The following EEA1 variants were observed in gnomAD, a reference collection of about 807,000 sequenced individuals.
EEA1 encodes early endosome antigen 1, 162kD.
Under a neutral mutation model 209.2 loss-of-function variants are expected in EEA1, and 111 were observed. The ratio of observed to expected loss-of-function variants is 0.53; its 90% CI spans 0.45 to 0.62. EEA1 has a LOEUF of 0.62. Ranked by LOEUF, EEA1 falls within the 20% of genes least tolerant of loss-of-function variation. EEA1 has a pLI of 0.00. For missense variants in EEA1, 1,343 were observed against 1,530.8 expected (o/e 0.88, Z 2.05); for synonymous variants, 536 against 540.6 (o/e 0.99, Z 0.12).
chr12:92,830,098 A>AACATT (rs1876556390), intron 11 of EEA1, among the ~76,000 whole-genome samples: 1 of 152,052 alleles, frequency 6.6e-6, no homozygotes, highest in African/African-American at 2.4e-5. Flanking sequence ...TCCAGACTTC[A>AACATT]ACATTACACA....
At chr12:92,887,739 G>A (rs1237177115) in intron 2 of EEA1, among the ~76,000 whole-genome samples, 1 of 152,088 alleles carries the variant, frequency 6.6e-6, no homozygotes, top group Non-Finnish European at 1.5e-5. Flanking sequence ...AGAATAGTTT[G>A]ACTTAAAATT....
chr12:92,906,984 T>G (rs1880409893), intron 1 of EEA1, among the ~76,000 whole-genome samples: 1 of 152,198 alleles, frequency 6.6e-6, no homozygotes, highest in African/African-American at 2.4e-5. Context: ...TATGCAAGCC[T>G]TATACTAAAT....
chr12:92,799,345 T>G (rs1399918174), intron 20 of EEA1, among the ~76,000 whole-genome samples: 1 of 152,218 alleles, frequency 6.6e-6, no homozygotes, highest in African/African-American at 2.4e-5. Flanking sequence ...TGGATTAATC[T>G]TTATTATTTT....
intron 15 of EEA1, among the ~76,000 whole-genome samples, chr12:92,815,576 C>G (rs961153068): frequency 6.6e-6 from 1 of 152,058 alleles, no homozygotes; most frequent in African/African-American, 2.4e-5. Flanking sequence ...CTATAAATTT[C>G]TATTCTATAT....
Position 92,853,023 on chromosome 12 carries a change from G to C in EEA1, c.409C>G (p.Leu137Val). Residue 137 changes from leucine to valine, a missense_variant and splice_region_variant, in exon 7 of 29, where the codon CTA becomes GTA. By Grantham distance (32) the Leu-to-Val change is conservative. Around this residue, in one of 3 missense-constraint regions of EEA1, gnomAD observed 1,307 missense variants for 1,465.5 expected, o/e 0.89. Transcript: ENST00000322349. Reference protein sequence around the residue: ...DGLVTDSSAELQSLEQQLEEA... With the variant: ...DGLVTDSSAEVQSLEQQLEEA... ...TCTAATTGCTGTTCCAAAGACTGTA[G>C]TTCTACAAAAAAGTGTCGCAGTTAT... 3 of 1,583,988 alleles carry C rather than the reference G, an allele frequency of 1.9e-6. No homozygotes were observed. The highest frequency in any genetic ancestry group is 2.6e-6 in the Non-Finnish European group (3 of 1,161,544).
At chr12:92,897,499 A>G (rs1174298318) in intron 1 of EEA1, among the ~76,000 whole-genome samples, 1 of 152,114 alleles carries the variant, frequency 6.6e-6, no homozygotes, top group African/African-American at 2.4e-5. Flanking sequence ...GGGTATTTGG[A>G]CCCAAGAAGA....
intron 1 of EEA1, among the ~76,000 whole-genome samples, chr12:92,910,200 G>A (rs559514652): frequency 9.1e-4 from 133 of 145,764 alleles, no homozygotes; most frequent in African/African-American, 3.2e-3. Context: ...GGTCAGGCGC[G>A]GTGGCTCACA....
At chr12:92,776,677 T>C (rs1565803146) in intron 28 of EEA1, among the ~76,000 whole-genome samples, 167 bp downstream of exon 28, 2 of 152,014 alleles carry the variant, frequency 1.3e-5, no homozygotes, top group East Asian at 3.9e-4. Flanking sequence ...CAAACACATA[T>C]GCTAACCAAA....
intron 13 of EEA1, among the ~76,000 whole-genome samples, chr12:92,823,847 T>A (rs1876173103): frequency 6.6e-6 from 1 of 152,254 alleles, no homozygotes; most frequent in Non-Finnish European, 1.5e-5. Flanking sequence ...GTGGCTAAAT[T>A]AATAAAGTTA....
chr12:92,811,500 A>G, intron 16 of EEA1, 66 bp from the exon 17 acceptor site: 1 of 1,099,566 alleles, frequency 9.1e-7, no homozygotes, highest in East Asian at 2.9e-5. Flanking sequence ...CCAAATGTTC[A>G]ACGTAAAATT....
intron 18 of EEA1, among the ~76,000 whole-genome samples, chr12:92,806,746 G>T (rs1009266988): frequency 6.6e-6 from 1 of 152,002 alleles, no homozygotes; most frequent in Admixed American, 6.6e-5. Context: ...ATCAAAAACA[G>T]CAATATACAA....
intron 21 of EEA1, among the ~76,000 whole-genome samples, chr12:92,789,336 A>G (rs1874290312): frequency 6.8e-6 from 1 of 147,104 alleles, no homozygotes; most frequent in Non-Finnish European, 1.5e-5. Context: ...AAAAGAAAAG[A>G]AAAAAAACCC....
chr12:92,790,726 G>A (rs913510180), intron 21 of EEA1, among the ~76,000 whole-genome samples: 3 of 152,124 alleles, frequency 2.0e-5, no homozygotes, highest in Admixed American at 6.6e-5. Context: ...AGAACTTCCC[G>A]AACCTAGCAA....
At position 92,829,795 on chromosome 12, in the gene EEA1, AAC is replaced by A. The variant is rs1491428691; in HGVS notation, c.1255-1736_1255-1735del. ...CTCTGTCTTAAAAAAAAAAAAAAAA[AAC>A]AAAAAACAAGCCAAATGCCAGGCAG... On this transcript the variant is annotated intron_variant, in intron 11 of 28. Transcript: ENST00000322349. Among the ~76,000 whole-genome samples, 627 of 140,780 alleles carry A rather than the reference AAC, an allele frequency of 4.5e-3. 17 individuals carry two copies. The highest frequency in any genetic ancestry group is 9.9e-3 in the African/African-American group (378 of 38,260). The allele number at this position is 140,780 out of a possible 152,430, so 92.4% of individuals were successfully genotyped here.
At chr12:92,868,477 G>A (rs1215667076) in intron 2 of EEA1, among the ~76,000 whole-genome samples, 3 of 152,180 alleles carry the variant, frequency 2.0e-5, no homozygotes, top group African/African-American at 7.2e-5. Context: ...CACAACTGTG[G>A]CTTTTTGACT....
At position 92,778,005 on chromosome 12, in the gene EEA1, C is replaced by T. The variant is rs971532261; in HGVS notation, c.3829G>A (p.Glu1277Lys). 13 of 1,613,396 alleles carry T rather than the reference C, an allele frequency of 8.1e-6. No individual in the cohort carries two copies. Among genetic ancestry groups the T allele is most frequent in the Non-Finnish European group, 1.1e-5 (13 of 1,179,588 alleles). ...LEKQTDDLRGEIAVLEATVQN... is the reference protein window; with the variant it reads ...LEKQTDDLRGKIAVLEATVQN... ...ACCGTTGCTTCTAATACTGCAATTTCACCCCGTAAGTCATCCGTTTGTTTC... is the reference window on the plus strand; with the variant it reads ...ACCGTTGCTTCTAATACTGCAATTTTACCCCGTAAGTCATCCGTTTGTTTC... Residue 1277 changes from glutamate (E) to lysine (K), a missense_variant, in exon 26 of 29, where the codon GAA becomes AAA. By Grantham distance (56) the Glu-to-Lys change is moderately conservative. Around this residue, in one of 3 missense-constraint regions of EEA1, gnomAD observed 1,307 missense variants for 1,465.5 expected, o/e 0.89. Coordinates refer to ENST00000322349, the MANE Select transcript of EEA1 (RefSeq NM_003566.4).
chr12:92,916,373 G>T (rs191159375), intron 1 of EEA1, among the ~76,000 whole-genome samples: 2 of 151,920 alleles, frequency 1.3e-5, no homozygotes, highest in South Asian at 2.1e-4. Flanking sequence ...TAAAAATCTG[G>T]GCCGGGCGCG....
Position 92,832,754 on chromosome 12 carries a change from T to C in EEA1, c.1012A>G (p.Thr338Ala), listed in dbSNP as rs757153552. 6.2e-7 allele frequency: 1 copy of C among 1,613,990 alleles called. No homozygotes were observed. The highest frequency in any genetic ancestry group is 1.3e-5 in the African/African-American group (1 of 75,026). Reference protein sequence around the residue: ...ESVSKKNIQATLHQKDLDCQQ... With the variant: ...ESVSKKNIQAALHQKDLDCQQ... ...CAATCTAGGTCTTTTTGATGAAGGG[T>C]TGCCTGAATATTCTTTTTACTCACA... Residue 338 changes from threonine to alanine, a missense_variant, in exon 11 of 29, where the codon ACC (threonine) becomes GCC (alanine). Thr to Ala is a moderately conservative substitution (Grantham distance 58). Coordinates refer to ENST00000322349, the MANE Select transcript of EEA1 (RefSeq NM_003566.4).
intron 2 of EEA1, among the ~76,000 whole-genome samples, chr12:92,884,889 T>C (rs1450290508): frequency 6.6e-6 from 1 of 151,930 alleles, no homozygotes; most frequent in Non-Finnish European, 1.5e-5. Context: ...TGTGACTAAT[T>C]GTATAACAAG....
Sources: gnomAD v4.1 joint callset for allele counts (sites outside exome capture counted in the v4.1 genomes callset) on GRCh38, gnomAD v4.1.1 for gene constraint, gnomAD v4.1.1 regional missense constraint, MANE v1.5 for transcripts, NCBI Gene and HGNC (gene_info 2026-07-23, HGNC 2026-07-21) for gene names.